Variants in NME7 observed in about 807,000 individuals in gnomAD.
NME7 encodes nucleoside diphosphate kinase 7.
Under a neutral mutation model 49.1 loss-of-function variants are expected in NME7, and 41 were observed. The observed-to-expected ratio is 0.83, with a 90% CI of 0.65 to 1.08. NME7 has a LOEUF of 1.08. Among genes scored for constraint, NME7 ranks in the 50% least tolerant of loss-of-function variants. The probability of loss-of-function intolerance (pLI) is 0.00; values close to 1 mark genes in which losing one functional copy is unlikely to be tolerated. For synonymous variants in NME7, 139 were observed against 150.6 expected, an observed-to-expected ratio of 0.92 and a Z score of 0.56; for missense variants, 423 against 463.4, an observed-to-expected ratio of 0.91 and a Z score of 0.80.
intron 1 of NME7, among the ~76,000 whole-genome samples, chr1:169,359,561 T>C (rs991683719): frequency 6.6e-6 from 1 of 152,086 alleles, no homozygotes; most frequent in Non-Finnish European, 1.5e-5. Context: ...TTATTATAGA[T>C]AAATGTAATT....
chr1:169,164,902 T>C (rs1487315851), intron 11 of NME7, among the ~76,000 whole-genome samples: 1 of 152,240 alleles, frequency 6.6e-6, no homozygotes, highest in Non-Finnish European at 1.5e-5. Flanking sequence ...GGTATCTACT[T>C]TACTGTAGCA....
intron 1 of NME7, among the ~76,000 whole-genome samples, chr1:169,360,137 T>C (rs1653604945): frequency 1.3e-5 from 2 of 152,178 alleles, no homozygotes; most frequent in South Asian, 2.1e-4. Flanking sequence ...ATAACTCCCA[T>C]GTTGAAACTA....
In NME7 at chr1:169,229,279, A is replaced by G. The variant is rs555642138; in HGVS notation, c.990+1439T>C. Among the ~76,000 whole-genome samples the G allele has an allele frequency of 9.2e-5, 14 of 152,350 alleles. No homozygotes were observed. In the South Asian group the frequency reaches 1.2e-3, roughly 14 times the overall value. ...CTATGTATTTCCCACTGAAGTCAAG[A>G]AAATATTCTTGCTGTATACCACAGT... is the stretch of plus-strand genomic sequence containing the variant. On this transcript the variant is annotated intron_variant, in intron 10 of 11. Coordinates refer to ENST00000367811, the MANE Select transcript of NME7 (RefSeq NM_013330.5).
At chr1:169,134,236 C>A (rs1417302684) in intron 11 of NME7, among the ~76,000 whole-genome samples, 1 of 152,164 alleles carries the variant, frequency 6.6e-6, no homozygotes, top group Non-Finnish European at 1.5e-5. Flanking sequence ...CATCTTTTTT[C>A]CTCTGCTGCT....
intron 7 of NME7, among the ~76,000 whole-genome samples, chr1:169,251,610 G>A (rs1414210912): frequency 7.5e-6 from 1 of 134,188 alleles, no homozygotes; most frequent in Non-Finnish European, 1.6e-5. Context: ...TGCACATTGT[G>A]CAGGTTAGTT....
rs546959432 is a variant in NME7 at position 169,211,574 on chromosome 1, A to G, written c.990+19144T>C. ...TTCTATTTAATTTTCAAAAGTCATTAGATTTGCACATGTTTTATGCCCTGG... is the reference window on the plus strand; with the variant it reads ...TTCTATTTAATTTTCAAAAGTCATTGGATTTGCACATGTTTTATGCCCTGG... On this transcript the variant is annotated intron_variant, in intron 10 of 11. Coordinates refer to ENST00000367811, the MANE Select transcript of NME7 (RefSeq NM_013330.5). Among the ~76,000 whole-genome samples the G allele has an allele frequency of 2.0e-5, 3 of 152,286 alleles. No homozygotes were observed. In the East Asian group the frequency reaches 5.8e-4, roughly 29 times the overall value.
intron 1 of NME7, among the ~76,000 whole-genome samples, chr1:169,347,338 C>T (rs778522791): frequency 5.3e-5 from 8 of 152,068 alleles, no homozygotes; most frequent in African/African-American, 1.7e-4. Flanking sequence ...GATGTCAAAA[C>T]GGGATGAGGA....
At chr1:169,367,584 G>C (rs763780045) in intron 1 of NME7, 124 bp downstream of exon 1, 3 of 1,067,366 alleles carry the variant, frequency 2.8e-6, no homozygotes, top group South Asian at 1.2e-5. Context: ...TGGGAAGGGG[G>C]AAAGAGATAA....
intron 1 of NME7, among the ~76,000 whole-genome samples, chr1:169,348,814 C>A (rs1653043515): frequency 6.6e-6 from 1 of 151,496 alleles, no homozygotes; most frequent in Non-Finnish European, 1.5e-5. Context: ...AAATGTATAT[C>A]ACCTATATCC....
chr1:169,325,948 G>A (rs1398439282), intron 1 of NME7, among the ~76,000 whole-genome samples: 2 of 151,678 alleles, frequency 1.3e-5, no homozygotes, highest in Admixed American at 1.3e-4. Flanking sequence ...CAGCTTTTTT[G>A]AGTTTAGGTT....
chr1:169,250,542 T>TAAG (rs1648519487), intron 7 of NME7, among the ~76,000 whole-genome samples: 1 of 152,096 alleles, frequency 6.6e-6, no homozygotes, highest in Non-Finnish European at 1.5e-5. Context: ...GTTCTTTCTC[T>TAAG]AGCTCCTTGA....
At chr1:169,282,593 T>C (rs982184529) in intron 7 of NME7, among the ~76,000 whole-genome samples, 1 of 152,208 alleles carries the variant, frequency 6.6e-6, no homozygotes, top group Non-Finnish European at 1.5e-5. Context: ...TTTAGAGCTA[T>C]AATTTTCCAT....
Position 169,309,672 on chromosome 1 carries a change from C to T in NME7, c.389+298G>A, listed in dbSNP as rs151233750. On this transcript the variant is annotated intron_variant, in intron 4 of 11. Coordinates refer to ENST00000367811, the MANE Select transcript of NME7 (RefSeq NM_013330.5). The stretch of plus-strand genomic sequence containing the variant: ...TTGAGAAGTTGATTTGTGAGCCACA[C>T]TCCTGTTTCTCAATTCCACAGACAC... Among the ~76,000 whole-genome samples the T allele has an allele frequency of 1.2e-3, 181 of 152,232 alleles. 1 individual carries two copies. The highest frequency in any genetic ancestry group is 4.1e-3 in the African/African-American group (170 of 41,536).
intron 7 of NME7, 170 bp downstream of exon 7, chr1:169,287,133 G>T: frequency 1.7e-6 from 1 of 582,698 alleles, no homozygotes; most frequent in Non-Finnish European, 3.0e-6. Context: ...GACAAATAGA[G>T]ATTTAGACAG....
chr1:169,359,949 A>G (rs1653598654), intron 1 of NME7, among the ~76,000 whole-genome samples: 1 of 152,224 alleles, frequency 6.6e-6, no homozygotes, highest in Non-Finnish European at 1.5e-5. Context: ...ACATCTAATT[A>G]ACAGAAAGTT....
chr1:169,200,611 T>C (rs1342890438), intron 10 of NME7, among the ~76,000 whole-genome samples: 1 of 152,024 alleles, frequency 6.6e-6, no homozygotes, highest in African/African-American at 2.4e-5. Context: ...GGATCAATAT[T>C]CCCCTGCCCT....
At chr1:169,185,426 T>C (rs1400139628) in intron 10 of NME7, among the ~76,000 whole-genome samples, 3 of 152,288 alleles carry the variant, frequency 2.0e-5, no homozygotes, top group African/African-American at 2.4e-5. Flanking sequence ...AAAACTTCCA[T>C]TGAGTCCTGT....
At chr1:169,340,573 T>C (rs1264024663) in intron 1 of NME7, among the ~76,000 whole-genome samples, 3 of 152,192 alleles carry the variant, frequency 2.0e-5, no homozygotes, top group African/African-American at 7.2e-5. Context: ...TTGGAAAAGT[T>C]TGGAAGGCTC....
intron 1 of NME7, among the ~76,000 whole-genome samples, chr1:169,366,769 G>C (rs1249507870): frequency 1.3e-5 from 2 of 152,154 alleles, no homozygotes; most frequent in African/African-American, 4.8e-5. Flanking sequence ...GCAAAAGACA[G>C]GGTTTGTAAA....
Sources: gnomAD v4.1 joint callset for allele counts (sites outside exome capture counted in the v4.1 genomes callset) on GRCh38, gnomAD v4.1.1 for gene constraint, MANE v1.5 for transcripts, NCBI Gene and HGNC (gene_info 2026-07-23, HGNC 2026-07-21) for gene names.